TRPS1: variants seen among roughly 807,000 people sequenced by gnomAD.
TRPS1 encodes the protein transcriptional repressor GATA binding 1, also known as zinc finger transcription factor Trps1.
TRPS1 carries 6 observed loss-of-function variants against 101.2 expected under a neutral mutation model. The ratio of observed to expected loss-of-function variants is 0.06; its 90% CI spans 0.03 to 0.12. TRPS1 has a LOEUF of 0.12. Among genes scored for constraint, TRPS1 ranks in the 10% least tolerant of loss-of-function variants. The pLI, the probability that TRPS1 is intolerant of heterozygous loss-of-function variation, is 1.00. For missense variants in TRPS1, 1,363 were observed against 1,567.0 expected, an observed-to-expected ratio of 0.87 and a Z score of 2.20; for synonymous variants, 578 against 589.8, an observed-to-expected ratio of 0.98 and a Z score of 0.29.
chr8:115,531,401 A>G (rs1816128483), intron 5 of TRPS1, among the ~76,000 whole-genome samples: 1 of 152,182 alleles, frequency 6.6e-6, no homozygotes, highest in Non-Finnish European at 1.5e-5. Context: ...TGTTGAATCC[A>G]TTAACTACGG....
intron 5 of TRPS1, among the ~76,000 whole-genome samples, chr8:115,562,082 A>G (rs1271540135): frequency 2.0e-5 from 3 of 152,154 alleles, no homozygotes; most frequent in African/African-American, 7.2e-5. Flanking sequence ...CAAAACAAAT[A>G]TAACAATAAA....
intron 5 of TRPS1, among the ~76,000 whole-genome samples, chr8:115,530,023 T>G (rs970905688): frequency 7.2e-5 from 11 of 152,118 alleles, no homozygotes; most frequent in South Asian, 2.1e-4. Flanking sequence ...AAGCTGAGCC[T>G]GAATATCGGG....
rs139240708 is a variant in TRPS1 at position 115,446,650 on chromosome 8, C to T, written c.2701-28198G>A. Among the ~76,000 whole-genome samples the T allele has an allele frequency of 4.4e-3, 673 of 152,230 alleles. 5 individuals carry two copies. The highest frequency in any genetic ancestry group is 0.015 in the African/African-American group (639 of 41,536). On this transcript the variant is annotated intron_variant, in intron 5 of 6. Transcript: ENST00000395715. ...GGCACATCTTCCTGATTACAGTCTA[C>T]CATGCATTCTCGCTCTATCCATGGC...
At chr8:115,609,809 C>T (rs989987259) in intron 3 of TRPS1, among the ~76,000 whole-genome samples, 1 of 152,160 alleles carries the variant, frequency 6.6e-6, no homozygotes, top group African/African-American at 2.4e-5. Flanking sequence ...CTATTCCTTC[C>T]ATGAAGTGTT....
chr8:115,642,648 C>T (rs1240442588), intron 1 of TRPS1, among the ~76,000 whole-genome samples: 1 of 151,816 alleles, frequency 6.6e-6, no homozygotes, highest in Non-Finnish European at 1.5e-5. Flanking sequence ...GACACCTTTT[C>T]TATCAAAAAA....
In TRPS1 at chr8:115,655,333, T is replaced by C. The variant is rs1429420894; in HGVS notation, c.-122+13212A>G. Among the ~76,000 whole-genome samples, 3 of 152,280 alleles carry C rather than the reference T, an allele frequency of 2.0e-5. No individual in the cohort carries two copies. The East Asian group carries it at 5.8e-4, about 29-fold the overall frequency. ...CAAGGTCTATTTCTCCATAACAGAA[T>C]GTTAGAAGAATCTTAAGCCTAAACC... is the stretch of plus-strand genomic sequence containing the variant. On this transcript the variant is annotated intron_variant, in intron 1 of 6. Coordinates refer to ENST00000395715, the MANE Select transcript of TRPS1 (RefSeq NM_014112.5).
chr8:115,543,150 A>G (rs1816492577), intron 5 of TRPS1, among the ~76,000 whole-genome samples: 1 of 152,174 alleles, frequency 6.6e-6, no homozygotes, highest in Non-Finnish European at 1.5e-5. Flanking sequence ...TTGAAACACA[A>G]AGGGAAAATA....
At chr8:115,585,377 G>A (rs548755348) in intron 5 of TRPS1, among the ~76,000 whole-genome samples, 4 of 152,250 alleles carry the variant, frequency 2.6e-5, no homozygotes, top group African/African-American at 9.6e-5. Context: ...GGCAGAAAAG[G>A]TAATATTCCA....
intron 5 of TRPS1, among the ~76,000 whole-genome samples, chr8:115,440,586 G>T (rs931177545): frequency 1.3e-5 from 2 of 152,212 alleles, no homozygotes; most frequent in Non-Finnish European, 2.9e-5. Context: ...AAATATAGAT[G>T]TTTACATTTC....
chr8:115,461,495 G>T (rs1485558781), intron 5 of TRPS1, among the ~76,000 whole-genome samples: 1 of 152,118 alleles, frequency 6.6e-6, no homozygotes, highest in African/African-American at 2.4e-5. Flanking sequence ...TGAATCCCTT[G>T]TGGAAACTGT....
At chr8:115,570,447 G>C (rs910419925) in intron 5 of TRPS1, among the ~76,000 whole-genome samples, 4 of 151,874 alleles carry the variant, frequency 2.6e-5, no homozygotes, top group Non-Finnish European at 4.4e-5. Flanking sequence ...TTCCATTAAA[G>C]ATATATTGAT....
At chr8:115,613,719 T>TA (rs1001182477) in intron 3 of TRPS1, among the ~76,000 whole-genome samples, 3 of 152,206 alleles carry the variant, frequency 2.0e-5, no homozygotes, top group African/African-American at 7.2e-5. Context: ...AGTTCATTAA[T>TA]ACATGTAAAA....
At chr8:115,651,927 T>C (rs1265224692) in intron 1 of TRPS1, among the ~76,000 whole-genome samples, 1 of 152,004 alleles carries the variant, frequency 6.6e-6, no homozygotes, top group Non-Finnish European at 1.5e-5. Flanking sequence ...GAATGCCAAA[T>C]TAAGGATGAT....
At chr8:115,633,253 T>A (rs1818690559) in intron 1 of TRPS1, among the ~76,000 whole-genome samples, 1 of 151,758 alleles carries the variant, frequency 6.6e-6, no homozygotes, top group African/African-American at 2.4e-5. Flanking sequence ...GGTGAGGGGT[T>A]TGAAAAGAGA....
At chr8:115,430,513 T>C (rs923893549) in intron 5 of TRPS1, among the ~76,000 whole-genome samples, 1 of 152,074 alleles carries the variant, frequency 6.6e-6, no homozygotes, top group South Asian at 2.1e-4. Flanking sequence ...TCATGAAATA[T>C]GAAGGACAGC....
chr8:115,566,359 AC>A (rs1257271646), intron 5 of TRPS1, among the ~76,000 whole-genome samples: 1 of 152,092 alleles, frequency 6.6e-6, no homozygotes, highest in Admixed American at 6.6e-5. Flanking sequence ...AAGAATACAC[AC>A]CTGTTGCTCA....
rs189389884 is a variant in TRPS1, at chr8:115,608,133, T to A, written c.967-3131A>T. Among the ~76,000 whole-genome samples, 10 of 152,182 alleles carry A rather than the reference T, an allele frequency of 6.6e-5. No homozygotes were observed. In the East Asian group the frequency reaches 1.9e-3, roughly 29 times the overall value. On this transcript the variant is annotated intron_variant, in intron 3 of 6. Transcript: ENST00000395715. ...CTGAATCCATCACGGAGTAGGAAAA[T>A]TTACTGCTTCTTAGCTGTGACTATA...
Position 115,418,522 on chromosome 8 carries a change from C to A in TRPS1, c.2701-70G>T. ...TCAGTGGAGTTAGACCAAATCAACC[C>A]AGGAGTTTTGTCTTTAAACTAGCAA... On this transcript the variant is annotated intron_variant, in intron 5 of 6. Transcript: ENST00000395715. This position sits in a 1 kb window ranked among gnomAD's most constrained non-coding sequence, Gnocchi z 4.3. 6.2e-7 allele frequency: 1 copy of A among 1,609,328 alleles called. No homozygotes were observed. Among genetic ancestry groups the A allele is most frequent in the South Asian group, 1.1e-5 (1 of 90,760 alleles).
intron 5 of TRPS1, among the ~76,000 whole-genome samples, chr8:115,543,973 A>C (rs941434817): frequency 1.3e-5 from 2 of 152,112 alleles, no homozygotes; most frequent in Non-Finnish European, 2.9e-5. Context: ...TAAGACATGG[A>C]ATTTAAAAAC....
Sources: gnomAD v4.1 joint callset for allele counts (sites outside exome capture counted in the v4.1 genomes callset) on GRCh38, gnomAD v4.1.1 for gene constraint, Gnocchi (gnomAD v3.1) non-coding constraint, MANE v1.5 for transcripts, NCBI Gene and HGNC (gene_info 2026-07-23, HGNC 2026-07-21) for gene names.